Variants in MAEL observed in about 807,000 individuals in gnomAD.
MAEL encodes the protein protein maelstrom homolog.
A neutral mutation model predicts 62.0 loss-of-function variants in MAEL; 46 were observed. That is an observed-to-expected ratio of 0.74 (90% CI 0.59 to 0.95). The LOEUF is 0.95. Ranked by LOEUF, MAEL falls within the 40% of genes least tolerant of loss-of-function variation. The probability of loss-of-function intolerance (pLI) is 0.00; values close to 1 mark genes in which losing one functional copy is unlikely to be tolerated. For missense variants in MAEL, 497 were observed against 526.8 expected (o/e 0.94, Z 0.55); for synonymous variants, 172 against 175.5 (o/e 0.98, Z 0.16).
chr1:166,985,393 T>C (rs925652999), upstream of MAEL, among the ~76,000 whole-genome samples: 3 of 152,158 alleles, frequency 2.0e-5, no homozygotes, highest in Non-Finnish European at 4.4e-5. Flanking sequence ...GATCAGTGCA[T>C]GTGTGGGAAA....
chr1:166,998,195 A>G (rs553597150), intron 5 of MAEL, among the ~76,000 whole-genome samples: 6 of 152,316 alleles, frequency 3.9e-5, no homozygotes, highest in Admixed American at 1.3e-4. Context: ...CATGTTTTAC[A>G]TTAGGTCATT....
At chr1:167,014,897 C>T (rs540917889) in intron 8 of MAEL, among the ~76,000 whole-genome samples, 1 of 152,146 alleles carries the variant, frequency 6.6e-6, no homozygotes, top group African/African-American at 2.4e-5. Context: ...ATGGCACATG[C>T]TTGTAATCCC....
intron 1 of MAEL, 38 bp downstream of exon 1, chr1:166,989,522 G>T: frequency 6.4e-7 from 1 of 1,571,044 alleles, no homozygotes; most frequent in African/African-American, 1.3e-5. Flanking sequence ...GGGCAGGGCA[G>T]TTGGGCAAGC....
chr1:166,994,345 A>G (rs376306310), intron 5 of MAEL, among the ~76,000 whole-genome samples: 1 of 152,164 alleles, frequency 6.6e-6, no homozygotes, highest in Non-Finnish European at 1.5e-5. Context: ...TACTTAGGAA[A>G]ACCTTTTAAG....
At chr1:166,988,087 C>T (rs540516328), upstream of MAEL, among the ~76,000 whole-genome samples, 4 of 152,252 alleles carry the variant, frequency 2.6e-5, no homozygotes, top group Admixed American at 2.6e-4. Flanking sequence ...CAGTGGTTTA[C>T]GCCTGTAATC....
chr1:166,988,111 AG>A (rs776390054), upstream of MAEL, among the ~76,000 whole-genome samples: 10 of 152,252 alleles, frequency 6.6e-5, no homozygotes, highest in Non-Finnish European at 8.8e-5. Context: ...GCACTCTGGG[AG>A]GCCTAGGCAG....
At chr1:166,996,483 C>T (rs910375693) in intron 5 of MAEL, among the ~76,000 whole-genome samples, 1 of 152,146 alleles carries the variant, frequency 6.6e-6, no homozygotes, top group Non-Finnish European at 1.5e-5. Context: ...ACAAAAGGTC[C>T]ATCAGCTTTT....
intron 1 of MAEL, among the ~76,000 whole-genome samples, chr1:166,979,705 G>A (rs139793061): frequency 2.6e-4 from 39 of 152,310 alleles, no homozygotes; most frequent in Non-Finnish European, 1.5e-4. Flanking sequence ...CCAAGAACCT[G>A]CAGTCTCAGG....
At chr1:167,011,828 A>T (rs1233950737) in intron 8 of MAEL, among the ~76,000 whole-genome samples, 1 of 152,200 alleles carries the variant, frequency 6.6e-6, no homozygotes. Context: ...TGTAAGATGC[A>T]TTCTAATTTT....
chr1:166,998,112 G>A (rs909780636), intron 5 of MAEL, among the ~76,000 whole-genome samples: 1 of 152,044 alleles, frequency 6.6e-6, no homozygotes, highest in South Asian at 2.1e-4. Context: ...ATAAGCCCCC[G>A]ACCTCATTCT....
intron 1 of MAEL, 121 bp downstream of exon 1, chr1:166,989,605 GC>G (rs1301937692): frequency 2.7e-6 from 4 of 1,477,804 alleles, no homozygotes; most frequent in African/African-American, 2.8e-5. Flanking sequence ...GAAGAGGAAG[GC>G]CCCCGTTTGT....
intron 8 of MAEL, among the ~76,000 whole-genome samples, chr1:167,009,809 G>T (rs1435354774): frequency 6.6e-6 from 1 of 152,042 alleles, no homozygotes; most frequent in Non-Finnish European, 1.5e-5. Flanking sequence ...GCCTTGGGCA[G>T]TTGGTAATTT....
chr1:166,987,732 T>C (rs1409838147), upstream of MAEL, among the ~76,000 whole-genome samples: 2 of 152,148 alleles, frequency 1.3e-5, no homozygotes, highest in Non-Finnish European at 2.9e-5. Flanking sequence ...AGAAGACTAA[T>C]AACCATACAA....
At chr1:167,017,131 G>T (rs1665428855) in intron 9 of MAEL, among the ~76,000 whole-genome samples, 2 of 152,120 alleles carry the variant, frequency 1.3e-5, no homozygotes, top group Non-Finnish European at 2.9e-5. Context: ...ATAACTAAAA[G>T]AGAATCATTG....
chr1:166,992,903 C>G (rs2102072440), intron 4 of MAEL, 62 bp downstream of exon 4: 1 of 1,338,200 alleles, frequency 7.5e-7, no homozygotes, highest in Non-Finnish European at 1.0e-6. Flanking sequence ...TAAATCTTGA[C>G]TTTATTTGAT....
chr1:166,995,689 TA>T lies in MAEL; in HGVS notation c.523+1630del, dbSNP rs1161501966. ...CTAGATGGCAGTTAAAAAAAAAAAA[TA>T]AAAAAAAAATGGAAACTTAGCCGGT... On this transcript the variant is annotated intron_variant, in intron 5 of 11. Transcript: ENST00000367872. Among the ~76,000 whole-genome samples, 113 of 140,972 alleles carry T rather than the reference TA, an allele frequency of 8.0e-4. 1 individual carries two copies. The Middle Eastern group carries it at 0.015, about 18-fold the overall frequency. The allele number at this position is 140,972 out of a possible 152,430, so 92.5% of individuals were successfully genotyped here.
intron 8 of MAEL, among the ~76,000 whole-genome samples, chr1:167,015,633 C>T (rs1665358181): frequency 6.6e-6 from 1 of 150,810 alleles, no homozygotes; most frequent in African/African-American, 2.4e-5. Context: ...CCGTCATTTC[C>T]TCACCAACAT....
intron 5 of MAEL, among the ~76,000 whole-genome samples, chr1:166,997,122 G>C (rs1664463468): frequency 6.6e-6 from 1 of 152,204 alleles, no homozygotes; most frequent in Non-Finnish European, 1.5e-5. Context: ...CACCACGCCT[G>C]GCCCCCCTGG....
intron 10 of MAEL, among the ~76,000 whole-genome samples, chr1:167,019,015 G>A (rs573721376): frequency 1.1e-4 from 17 of 152,176 alleles, no homozygotes; most frequent in African/African-American, 3.4e-4. Context: ...AAATAAAAAC[G>A]GAAGGACTTC....
Sources: gnomAD v4.1 joint callset for allele counts (sites outside exome capture counted in the v4.1 genomes callset) on GRCh38, gnomAD v4.1.1 for gene constraint, MANE v1.5 for transcripts, NCBI Gene and HGNC (gene_info 2026-07-23, HGNC 2026-07-21) for gene names.